The following MEIKIN variants were observed in gnomAD, a reference collection of about 807,000 sequenced individuals.
The protein encoded by MEIKIN is meiosis-specific kinetochore protein.
chr5:131,929,990 CAT>C, intron 5 of MEIKIN, among the ~76,000 whole-genome samples: 1 of 152,290 alleles, frequency 6.6e-6, no homozygotes, highest in East Asian at 1.9e-4. Context: ...CTGCAACAAA[CAT>C]ATGTGTTCAT....
At chr5:131,828,263 A>G (rs1247760355) in intron 11 of MEIKIN, among the ~76,000 whole-genome samples, 2 of 152,134 alleles carry the variant, frequency 1.3e-5, no homozygotes, top group African/African-American at 2.4e-5. Flanking sequence ...TCCGGGTTCA[A>G]GTCATCCTCC....
At chr5:131,900,446 T>G (rs1029099440) in intron 8 of MEIKIN, among the ~76,000 whole-genome samples, 16 of 152,126 alleles carry the variant, frequency 1.1e-4, no homozygotes, top group African/African-American at 3.4e-4. Flanking sequence ...ACCCTTACCA[T>G]GGGCCTCTGG....
intron 5 of MEIKIN, among the ~76,000 whole-genome samples, chr5:131,933,216 A>G (rs751885443): frequency 5.3e-5 from 8 of 152,246 alleles, no homozygotes; most frequent in African/African-American, 1.9e-4. Context: ...AAAAGATAAC[A>G]CATGGTTCAA....
intron 8 of MEIKIN, among the ~76,000 whole-genome samples, chr5:131,890,628 T>C (rs1264984144): frequency 6.6e-6 from 1 of 152,230 alleles, no homozygotes; most frequent in Non-Finnish European, 1.5e-5. Context: ...TTAGTCTTGC[T>C]AGTGGTCTAT....
At chr5:131,923,234 A>G (rs1717341355) in intron 5 of MEIKIN, among the ~76,000 whole-genome samples, 1 of 152,196 alleles carries the variant, frequency 6.6e-6, no homozygotes, top group African/African-American at 2.4e-5. Context: ...ACCAAATTGC[A>G]TAAATCCATT....
chr5:131,901,102 G>A (rs1209123986), intron 8 of MEIKIN, among the ~76,000 whole-genome samples: 1 of 152,082 alleles, frequency 6.6e-6, no homozygotes, highest in African/African-American at 2.4e-5. Context: ...CACTGCCACT[G>A]GCGTGAAACT....
intron 7 of MEIKIN, among the ~76,000 whole-genome samples, chr5:131,914,555 A>C (rs2149644868): frequency 2.0e-5 from 2 of 99,464 alleles, no homozygotes; most frequent in East Asian, 3.2e-4. Context: ...GGAAGGGGGA[A>C]GAGGGAAGGG....
rs139177681 is a variant in MEIKIN, at chr5:131,871,271, G to A, written c.774+7707C>T. Among the ~76,000 whole-genome samples, 487 of 152,294 alleles carry A rather than the reference G, an allele frequency of 3.2e-3. 3 individuals carry two copies. Among genetic ancestry groups the A allele is most frequent in the African/African-American group, 0.011 (462 of 41,564 alleles). ...CTAGTCAAAGAAAGGGGTGACAGAC[G>A]GCACCTGGAAAATTGGGTCACTCCC... On this transcript the variant is annotated intron_variant, in intron 9 of 12. Transcript: ENST00000442687.
At chr5:131,861,671 G>C (rs896235428) in intron 9 of MEIKIN, among the ~76,000 whole-genome samples, 3 of 152,096 alleles carry the variant, frequency 2.0e-5, no homozygotes, top group African/African-American at 7.2e-5. Context: ...AGGATGTTCA[G>C]TTTTATCAAA....
intron 8 of MEIKIN, among the ~76,000 whole-genome samples, chr5:131,895,095 G>A (rs1421238066): frequency 2.0e-5 from 3 of 152,180 alleles, no homozygotes. Flanking sequence ...TTTTTAGCAT[G>A]AAGGGCTGTT....
chr5:131,921,582 G>A (rs189327572), intron 6 of MEIKIN, among the ~76,000 whole-genome samples: 9 of 152,106 alleles, frequency 5.9e-5, no homozygotes, highest in Admixed American at 5.9e-4. Context: ...GCTTGAACCT[G>A]GGAGACAGAG....
chr5:131,895,772 T>C (rs551264051), intron 8 of MEIKIN, among the ~76,000 whole-genome samples: 2 of 152,338 alleles, frequency 1.3e-5, no homozygotes, highest in East Asian at 3.9e-4. Flanking sequence ...TTGATTCTTC[T>C]CTCTTTTATT....
chr5:131,873,646 G>C (rs539136817), intron 9 of MEIKIN, among the ~76,000 whole-genome samples: 15 of 152,292 alleles, frequency 9.8e-5, no homozygotes, highest in South Asian at 8.3e-4. Context: ...GCACCAAGCG[G>C]ACCTAATAGA....
chr5:131,922,421 C>A lies in MEIKIN; in HGVS notation c.479-480G>T, dbSNP rs1751520583. ...TTATTCACTAAACAATACAGTATAA[C>A]AACTATTTACATAGCATTTACATTG... On this transcript the variant is annotated intron_variant, in intron 5 of 12. Coordinates refer to ENST00000442687, the MANE Select transcript of MEIKIN (RefSeq NM_001303622.2). Among the ~76,000 whole-genome samples the A allele has an allele frequency of 2.6e-5, 4 of 151,570 alleles. No individual in the cohort carries two copies. The South Asian group carries it at 8.4e-4, about 32-fold the overall frequency.
chr5:131,866,387 AGGCCCCCTCAT>A (rs1750385876), intron 9 of MEIKIN, among the ~76,000 whole-genome samples: 1 of 152,152 alleles, frequency 6.6e-6, no homozygotes. Flanking sequence ...TTGTGCCTTT[AGGCCCCCTCAT>A]GGTGTGTAAA....
chr5:131,890,077 G>T (rs1210394124), intron 8 of MEIKIN, among the ~76,000 whole-genome samples: 1 of 152,106 alleles, frequency 6.6e-6, no homozygotes, highest in East Asian at 1.9e-4. Flanking sequence ...TGATCATGGT[G>T]GATAAGCTTT....
At chr5:131,821,035 A>G (rs909736093) in intron 11 of MEIKIN, among the ~76,000 whole-genome samples, 1 of 151,750 alleles carries the variant, frequency 6.6e-6, no homozygotes, top group South Asian at 2.1e-4. Context: ...CTTTTCTTCT[A>G]CTAATTTTGG....
chr5:131,876,843 G>GT (rs1256685333), intron 9 of MEIKIN, among the ~76,000 whole-genome samples: 3 of 152,126 alleles, frequency 2.0e-5, no homozygotes, highest in African/African-American at 7.2e-5. Context: ...CATGTCCTTT[G>GT]TAGGGACATG....
intron 9 of MEIKIN, among the ~76,000 whole-genome samples, chr5:131,856,946 CTTTTT>C (rs1277632359): frequency 6.8e-6 from 1 of 148,142 alleles, no homozygotes; most frequent in Non-Finnish European, 1.5e-5. Flanking sequence ...TTTTTTTTTT[CTTTTT>C]ATTTATTTAT....
Sources: gnomAD v4.1 joint callset for allele counts (sites outside exome capture counted in the v4.1 genomes callset) on GRCh38, gnomAD v4.1.1 for gene constraint, MANE v1.5 for transcripts, NCBI Gene and HGNC (gene_info 2026-07-23, HGNC 2026-07-21) for gene names.